The following NFIB variants were observed in gnomAD, a reference collection of about 807,000 sequenced individuals.
The protein encoded by NFIB is nuclear factor I B, also known as nuclear factor 1 B-type.
In NFIB, 11 loss-of-function variants were observed where a neutral mutation model predicts 61.5. The observed-to-expected ratio is 0.18, with a 90% CI of 0.11 to 0.30. The LOEUF (loss-of-function observed/expected upper bound fraction) is 0.30. Among genes scored for constraint, NFIB ranks in the 10% least tolerant of loss-of-function variants. NFIB has a pLI of 1.00. For missense variants in NFIB, 471 were observed against 608.9 expected (o/e 0.77, Z 2.38); for synonymous variants, 260 against 216.5 (o/e 1.20, Z -1.76).
intron 2 of NFIB, among the ~76,000 whole-genome samples, chr9:14,294,714 T>G (rs1210211832): frequency 6.6e-6 from 1 of 152,214 alleles, no homozygotes; most frequent in African/African-American, 2.4e-5. Flanking sequence ...AACAGTGAAA[T>G]AACTTTTCCT....
chr9:14,340,674 T>A (rs1377007667), intron 1 of NFIB, among the ~76,000 whole-genome samples: 1 of 152,240 alleles, frequency 6.6e-6, no homozygotes, highest in East Asian at 1.9e-4. Flanking sequence ...TCAAACCTTT[T>A]CGTTGTGCAG....
intron 2 of NFIB, among the ~76,000 whole-genome samples, chr9:14,301,630 G>A (rs1274641520): frequency 2.0e-5 from 3 of 150,084 alleles, no homozygotes; most frequent in Non-Finnish European, 2.9e-5. Flanking sequence ...CATATTAACT[G>A]CAATGCAAGA....
chr9:14,156,539 G>T (rs1258917524), intron 3 of NFIB, among the ~76,000 whole-genome samples: 4 of 152,120 alleles, frequency 2.6e-5, no homozygotes, highest in African/African-American at 9.7e-5. Context: ...TTTATTTCAA[G>T]AATTAGACAA....
chr9:14,088,048 A>G lies in NFIB; in HGVS notation c.*261T>C, dbSNP rs1393719297. 9.5e-6 allele frequency: 6 copies of G among 634,510 alleles called. No individual in the cohort carries two copies. The highest frequency in any genetic ancestry group is 1.4e-5 in the Non-Finnish European group (6 of 429,240). 39.3% of individuals were successfully genotyped at this position (634,510 alleles called of 1,614,324 possible). On this transcript the variant is annotated 3_prime_UTR_variant, in exon 11 of 11. Transcript: ENST00000380953. ...AGTTTCAACCTTAAGGGAATTAGTG[A>G]TTGTAAGTGCTGCAATTGCTGGTCT... is the stretch of plus-strand genomic sequence containing the variant.
intron 3 of NFIB, among the ~76,000 whole-genome samples, chr9:14,158,246 T>C (rs1374493931): frequency 1.3e-5 from 2 of 152,160 alleles, no homozygotes; most frequent in Non-Finnish European, 2.9e-5. Context: ...CTACCCTTCA[T>C]ATCTTCCTCC....
At chr9:14,316,930 C>T (rs1191610114), upstream of NFIB, among the ~76,000 whole-genome samples, 3 of 152,180 alleles carry the variant, frequency 2.0e-5, no homozygotes, top group East Asian at 1.9e-4. Flanking sequence ...TCTTTGAATG[C>T]CTGGACTCTC....
chr9:14,137,242 C>T (rs1452114542), intron 6 of NFIB, among the ~76,000 whole-genome samples: 1 of 152,160 alleles, frequency 6.6e-6, no homozygotes, highest in East Asian at 1.9e-4. Context: ...TATAATAACT[C>T]AATCTCTATC....
At chr9:14,223,334 G>C (rs1364279943) in intron 2 of NFIB, among the ~76,000 whole-genome samples, 1 of 152,146 alleles carries the variant, frequency 6.6e-6, no homozygotes, top group Admixed American at 6.5e-5. Context: ...ACTGATAAGT[G>C]ACTACTACGT....
intron 1 of NFIB, among the ~76,000 whole-genome samples, chr9:14,320,961 G>GCT (rs1393395103): frequency 6.6e-6 from 1 of 152,060 alleles, no homozygotes; most frequent in Non-Finnish European, 1.5e-5. Context: ...AATACTTAGA[G>GCT]ATCTTGTCTG....
chr9:14,400,998 A>G (rs1457386876), upstream of NFIB, among the ~76,000 whole-genome samples: 1 of 152,214 alleles, frequency 6.6e-6, no homozygotes, highest in Non-Finnish European at 1.5e-5. Flanking sequence ...CACCCTCATA[A>G]CCAGGAATGT....
At chr9:14,263,512 T>C (rs933696852) in intron 2 of NFIB, among the ~76,000 whole-genome samples, 1 of 152,224 alleles carries the variant, frequency 6.6e-6, no homozygotes, top group Non-Finnish European at 1.5e-5. Flanking sequence ...TTTAAAAAGA[T>C]GCGAAGTGGA....
intron 2 of NFIB, among the ~76,000 whole-genome samples, chr9:14,221,201 G>C (rs1490649699): frequency 6.6e-6 from 1 of 152,072 alleles, no homozygotes; most frequent in Non-Finnish European, 1.5e-5. Flanking sequence ...GCCTTCTCCA[G>C]CTTTAAAAGT....
intron 6 of NFIB, 97 bp downstream of exon 6, chr9:14,146,592 C>A: frequency 6.6e-7 from 1 of 1,513,318 alleles, no homozygotes; most frequent in Non-Finnish European, 9.1e-7. Flanking sequence ...AATATACAAT[C>A]CATATTGGTT....
At chr9:14,088,438 C>G in intron 10 of NFIB, 112 bp from the exon 11 acceptor site, 2 of 1,159,592 alleles carry the variant, frequency 1.7e-6, no homozygotes, top group Non-Finnish European at 1.1e-6. Context: ...TTATTGCTAT[C>G]CCTATTTTCA....
intron 2 of NFIB, among the ~76,000 whole-genome samples, chr9:14,295,947 G>T (rs370796398): frequency 1.3e-5 from 2 of 152,086 alleles, no homozygotes; most frequent in East Asian, 1.9e-4. Context: ...AGACAAAAAG[G>T]CTTCTAAAAC....
rs144755811 is a variant in NFIB, at chr9:14,171,019, T to G, written c.616+8708A>C. On this transcript the variant is annotated intron_variant, in intron 3 of 10. Transcript: ENST00000380953. ...ATACCGTTGTAAAGTTAAGGAAAGTTTGAACTAACTGTAGCCCATGAACGA... is the reference window on the plus strand; with the variant it reads ...ATACCGTTGTAAAGTTAAGGAAAGTGTGAACTAACTGTAGCCCATGAACGA... 9.1e-3 allele frequency among the ~76,000 whole-genome samples: 1,384 copies of G among 152,324 alleles called. 12 individuals are homozygous for G. The highest frequency in any genetic ancestry group is 0.034 in the Middle Eastern group (10 of 294).
intron 1 of NFIB, among the ~76,000 whole-genome samples, chr9:14,371,322 C>T (rs760257603): frequency 6.6e-6 from 1 of 152,170 alleles, no homozygotes; most frequent in African/African-American, 2.4e-5. Flanking sequence ...AACTGTAATA[C>T]TAAAAATAAT....
At chr9:14,398,658 C>G (rs927075394) in exon 1 of NFIB, 15 of 1,466,034 alleles carry the variant, frequency 1.0e-5, no homozygotes, top group Middle Eastern at 1.7e-4. Context: ...CGACAAGAAG[C>G]CTGTAGGCTC....
chr9:14,404,282 G>A, the NFIB span, among the ~76,000 whole-genome samples: 4 of 152,138 alleles, frequency 2.6e-5, no homozygotes, highest in South Asian at 2.1e-4. Context: ...CTACCACCCC[G>A]AGGATTCTTT....
Sources: gnomAD v4.1 joint callset for allele counts (sites outside exome capture counted in the v4.1 genomes callset) on GRCh38, gnomAD v4.1.1 for gene constraint, MANE v1.5 for transcripts, NCBI Gene and HGNC (gene_info 2026-07-23, HGNC 2026-07-21) for gene names.